PLD5: variants seen among roughly 807,000 people sequenced by gnomAD.
The protein encoded by PLD5 is inactive phospholipase D5.
Under a neutral mutation model 61.1 loss-of-function variants are expected in PLD5, and 36 were observed. The observed-to-expected ratio is 0.59, with a 90% CI of 0.45 to 0.78. The LOEUF is 0.78. Ranked by LOEUF, PLD5 falls within the 30% of genes least tolerant of loss-of-function variation. The pLI, the probability that PLD5 is intolerant of heterozygous loss-of-function variation, is 0.00. For synonymous variants in PLD5, 243 were observed against 242.8 expected (o/e 1.00, Z -0.01); for missense variants, 515 against 644.4 (o/e 0.80, Z 2.17).
chr1:242,108,807 C>T (rs146781998), intron 7 of PLD5, among the ~76,000 whole-genome samples: 2 of 152,266 alleles, frequency 1.3e-5, no homozygotes, highest in Non-Finnish European at 2.9e-5. Flanking sequence ...GATCATTGCA[C>T]CTCTAAAGGC....
chr1:242,517,617 T>G (rs2654900), intron 1 of PLD5, among the ~76,000 whole-genome samples: 1 of 151,960 alleles, frequency 6.6e-6, no homozygotes, highest in Non-Finnish European at 1.5e-5. Flanking sequence ...CTAAACAACC[T>G]GTCCCTTGAA....
chr1:242,503,150 C>A (rs1305552588), intron 1 of PLD5, among the ~76,000 whole-genome samples: 1 of 152,132 alleles, frequency 6.6e-6, no homozygotes, highest in Non-Finnish European at 1.5e-5. Context: ...TGTGTCCTGA[C>A]TAAATCTCAT....
chr1:242,475,340 G>A (rs1050019240), intron 1 of PLD5, among the ~76,000 whole-genome samples: 3 of 147,858 alleles, frequency 2.0e-5, no homozygotes, highest in African/African-American at 7.5e-5. Context: ...GGAGAATGGC[G>A]TGAACCCGGG....
chr1:242,284,414 G>C (rs1350815987), intron 3 of PLD5, among the ~76,000 whole-genome samples: 1 of 151,790 alleles, frequency 6.6e-6, no homozygotes, highest in African/African-American at 2.4e-5. Flanking sequence ...TGGTATTACA[G>C]GCCACCACGC....
chr1:242,120,446 C>T (rs1465542796), intron 6 of PLD5, among the ~76,000 whole-genome samples: 5 of 151,226 alleles, frequency 3.3e-5, no homozygotes, highest in Admixed American at 3.3e-4. Context: ...AGCCACCATG[C>T]CCAGCCTGAA....
At chr1:242,454,247 C>A (rs577125776) in intron 1 of PLD5, among the ~76,000 whole-genome samples, 1 of 151,190 alleles carries the variant, frequency 6.6e-6, no homozygotes, top group East Asian at 1.9e-4. Flanking sequence ...GCAGGAGAAT[C>A]GCTTGAACCT....
intron 5 of PLD5, among the ~76,000 whole-genome samples, chr1:242,134,409 A>G (rs959894788): frequency 4.6e-5 from 7 of 151,726 alleles, no homozygotes; most frequent in African/African-American, 1.7e-4. Context: ...TTAATAAATA[A>G]TTAGAAAAAG....
chr1:242,162,207 AGAACCAGGAACACTG>A (rs1192785517), intron 5 of PLD5, among the ~76,000 whole-genome samples: 4 of 152,208 alleles, frequency 2.6e-5, no homozygotes, highest in Non-Finnish European at 5.9e-5. Flanking sequence ...ACAGAACGAA[AGAACCAGGAACACTG>A]GAAGCAGGAA....
chr1:242,505,245 C>T (rs2102994455), intron 1 of PLD5, among the ~76,000 whole-genome samples: 1 of 152,240 alleles, frequency 6.6e-6, no homozygotes, highest in African/African-American at 2.4e-5. Context: ...AAAAAACTGT[C>T]AAGTGAATCA....
chr1:242,246,683 T>C (rs1455246250), intron 4 of PLD5, among the ~76,000 whole-genome samples: 2 of 152,194 alleles, frequency 1.3e-5, no homozygotes, highest in Non-Finnish European at 2.9e-5. Flanking sequence ...AATCTAAAGA[T>C]TTTCCCCTTG....
chr1:242,514,366 T>C (rs1223964598), intron 1 of PLD5, among the ~76,000 whole-genome samples: 1 of 152,062 alleles, frequency 6.6e-6, no homozygotes, highest in Non-Finnish European at 1.5e-5. Context: ...TCACCAAGAG[T>C]GAGGCCTTCC....
chr1:242,199,995 T>C (rs941452211), intron 5 of PLD5, among the ~76,000 whole-genome samples: 2 of 152,236 alleles, frequency 1.3e-5, no homozygotes, highest in African/African-American at 4.8e-5. Context: ...GAGATGCAAA[T>C]TGCCCAGAGC....
chr1:242,162,131 G>A (rs1665888379), intron 5 of PLD5, among the ~76,000 whole-genome samples: 1 of 152,150 alleles, frequency 6.6e-6, no homozygotes, highest in South Asian at 2.1e-4. Flanking sequence ...GGGGTTGGAA[G>A]CTAAATTCTC....
intron 1 of PLD5, among the ~76,000 whole-genome samples, chr1:242,376,275 C>T (rs1229587718): frequency 1.3e-5 from 2 of 152,082 alleles, no homozygotes; most frequent in Non-Finnish European, 2.9e-5. Flanking sequence ...TTTTTATCCA[C>T]GGCTGGGAAA....
intron 3 of PLD5, among the ~76,000 whole-genome samples, chr1:242,277,580 T>C (rs1558423185): frequency 6.7e-6 from 1 of 149,126 alleles, no homozygotes; most frequent in Non-Finnish European, 1.5e-5. Context: ...TAACTTAACC[T>C]GGTAAGTCTA....
intron 2 of PLD5, among the ~76,000 whole-genome samples, chr1:242,296,669 G>A (rs1433248023): frequency 6.6e-6 from 1 of 152,196 alleles, no homozygotes; most frequent in East Asian, 1.9e-4. Context: ...AAAAATAGCA[G>A]AAAGAATACC....
intron 7 of PLD5, among the ~76,000 whole-genome samples, chr1:242,109,020 G>A (rs1339319340): frequency 2.0e-5 from 3 of 152,134 alleles, no homozygotes; most frequent in Non-Finnish European, 4.4e-5. Context: ...CTGGATCCAC[G>A]CTACAGTTTT....
chr1:242,109,983 T>A (rs1661353487), intron 7 of PLD5, among the ~76,000 whole-genome samples: 1 of 150,516 alleles, frequency 6.6e-6, no homozygotes. Flanking sequence ...GAGGTGTGAG[T>A]GGTACAATGA....
At chr1:242,460,353 G>T (rs1353638592) in intron 1 of PLD5, among the ~76,000 whole-genome samples, 3 of 152,110 alleles carry the variant, frequency 2.0e-5, no homozygotes, top group Non-Finnish European at 4.4e-5. Context: ...ACTATCTTGT[G>T]TGTGTCTATT....
Sources: gnomAD v4.1 joint callset for allele counts (sites outside exome capture counted in the v4.1 genomes callset) on GRCh38, gnomAD v4.1.1 for gene constraint, MANE v1.5 for transcripts, NCBI Gene and HGNC (gene_info 2026-07-23, HGNC 2026-07-21) for gene names.